Variants in F13A1 observed in about 807,000 individuals in gnomAD.
F13A1 encodes the protein coagulation factor XIII A chain.
A neutral mutation model predicts 80.1 loss-of-function variants in F13A1; 47 were observed. The ratio of observed to expected loss-of-function variants is 0.59; its 90% CI spans 0.46 to 0.75. F13A1 has a LOEUF of 0.75. F13A1 is among the 30% of genes least tolerant of loss of function. The pLI, the probability that F13A1 is intolerant of heterozygous loss-of-function variation, is 0.00. For synonymous variants in F13A1, 349 were observed against 344.9 expected (o/e 1.01, Z -0.13); for missense variants, 817 against 930.4 (o/e 0.88, Z 1.59).
At chr6:6,253,161 AAAGAG>A (rs1202348959) in intron 4 of F13A1, among the ~76,000 whole-genome samples, 87 of 106,858 alleles carry the variant, frequency 8.1e-4, no homozygotes, top group African/African-American at 3.4e-3. Context: ...AAAAAAAAAA[AAAGAG>A]AGAGAGAGAG....
intron 11 of F13A1, among the ~76,000 whole-genome samples, chr6:6,180,015 C>G (rs989624089): frequency 3.6e-4 from 55 of 152,184 alleles, no homozygotes; most frequent in Non-Finnish European, 6.3e-4. Flanking sequence ...CTAATGGCAG[C>G]TGTGCTCGGC....
chr6:6,163,078 T>C (rs1355109601), intron 13 of F13A1, among the ~76,000 whole-genome samples: 1 of 152,218 alleles, frequency 6.6e-6, no homozygotes, highest in Non-Finnish European at 1.5e-5. Flanking sequence ...CCAACCCTTA[T>C]CTTGACTGAG....
At chr6:6,211,483 T>A (rs1761607905) in intron 8 of F13A1, among the ~76,000 whole-genome samples, 1 of 152,264 alleles carries the variant, frequency 6.6e-6, no homozygotes, top group African/African-American at 2.4e-5. Flanking sequence ...CCCTTAAGCA[T>A]CTTTAAGCAA....
chr6:6,290,757 C>G (rs1274707556), intron 3 of F13A1, among the ~76,000 whole-genome samples: 2 of 152,098 alleles, frequency 1.3e-5, no homozygotes, highest in Non-Finnish European at 2.9e-5. Flanking sequence ...CGTTGATCAT[C>G]AATGCAGAAA....
chr6:6,297,188 A>T (rs1026963354), intron 3 of F13A1, among the ~76,000 whole-genome samples: 1 of 151,228 alleles, frequency 6.6e-6, no homozygotes, highest in African/African-American at 2.5e-5. Context: ...TGTTCATCAA[A>T]GATATTGGTC....
chr6:6,157,996 C>T (rs893109691), intron 13 of F13A1, among the ~76,000 whole-genome samples: 5 of 152,098 alleles, frequency 3.3e-5, no homozygotes, highest in South Asian at 4.2e-4. Context: ...ACATAGTTTA[C>T]GATCATCTAT....
At chr6:6,165,597 G>C (rs779875051) in intron 13 of F13A1, among the ~76,000 whole-genome samples, 1 of 152,100 alleles carries the variant, frequency 6.6e-6, no homozygotes, top group Non-Finnish European at 1.5e-5. Context: ...TGAAACCTGC[G>C]CAATAGCCCA....
At chr6:6,289,237 T>TG (rs1758186461) in intron 3 of F13A1, among the ~76,000 whole-genome samples, 1 of 152,132 alleles carries the variant, frequency 6.6e-6, no homozygotes, top group African/African-American at 2.4e-5. Context: ...GCTCGGGTTC[T>TG]GACTGGGCAC....
At chr6:6,198,503 A>G (rs17310165) in intron 8 of F13A1, among the ~76,000 whole-genome samples, 18,166 of 152,242 alleles carry the variant, frequency 0.12, 1,286 homozygotes, top group Middle Eastern at 0.2. Context: ...GACGCCCTTC[A>G]ATGTCAGCTG....
intron 11 of F13A1, among the ~76,000 whole-genome samples, chr6:6,178,571 C>G (rs752013974): frequency 1.3e-5 from 2 of 151,802 alleles, no homozygotes; most frequent in African/African-American, 4.8e-5. Flanking sequence ...AGGTAAAGTC[C>G]CGGTGGAGAC....
chr6:6,146,147 T>C (rs1205528890), intron 14 of F13A1, among the ~76,000 whole-genome samples: 2 of 152,166 alleles, frequency 1.3e-5, no homozygotes, highest in Non-Finnish European at 2.9e-5. Context: ...CAGCTCAGTT[T>C]TTGCCACTAG....
intron 12 of F13A1, among the ~76,000 whole-genome samples, chr6:6,171,472 G>A (rs950704522): frequency 6.6e-6 from 1 of 152,146 alleles, no homozygotes; most frequent in Non-Finnish European, 1.5e-5. Context: ...CAGTCTCTCA[G>A]CCAATCAGGC....
intron 8 of F13A1, among the ~76,000 whole-genome samples, chr6:6,198,562 T>C (rs892430960): frequency 5.3e-5 from 8 of 152,116 alleles, no homozygotes; most frequent in African/African-American, 1.7e-4. Flanking sequence ...TTTTGATTGG[T>C]TCAAGAGATA....
intron 4 of F13A1, among the ~76,000 whole-genome samples, chr6:6,254,236 G>T (rs760458120): frequency 8.6e-5 from 13 of 151,658 alleles, no homozygotes; most frequent in South Asian, 4.1e-4. Context: ...CCTTTTAGAA[G>T]GGTAATTAGG....
At chr6:6,181,941 T>G (rs746070258) in intron 11 of F13A1, 47 bp downstream of exon 11, 2 of 1,605,790 alleles carry the variant, frequency 1.2e-6, no homozygotes, top group Non-Finnish European at 1.7e-6. Flanking sequence ...GAATAAGTAC[T>G]CAATGGACTT....
At chr6:6,278,016 C>CTG (rs1758011698) in intron 3 of F13A1, among the ~76,000 whole-genome samples, 1 of 152,212 alleles carries the variant, frequency 6.6e-6, no homozygotes, top group Non-Finnish European at 1.5e-5. Flanking sequence ...ACTCTGCAGG[C>CTG]TGTAACCTTT....
At chr6:6,194,300 C>T (rs922680134) in intron 10 of F13A1, among the ~76,000 whole-genome samples, 1 of 152,212 alleles carries the variant, frequency 6.6e-6, no homozygotes, top group African/African-American at 2.4e-5. Flanking sequence ...CTTCAGCCTC[C>T]ACCTTCCAAC....
Position 6,254,357 on chromosome 6 carries a change from T to A in F13A1, c.572-3428A>T, listed in dbSNP as rs187190334. 9.9e-3 allele frequency among the ~76,000 whole-genome samples: 1,507 copies of A among 152,220 alleles called. 31 individuals carry two copies. The highest frequency in any genetic ancestry group is 0.034 in the African/African-American group (1,428 of 41,484). ...TGTATGTGCAACCTTCAAAATGGCATAACGTGCTATAGTAAAAATGGGAAA... is the reference window on the plus strand; with the variant it reads ...TGTATGTGCAACCTTCAAAATGGCAAAACGTGCTATAGTAAAAATGGGAAA... On this transcript the variant is annotated intron_variant, in intron 4 of 14. Transcript: ENST00000264870.
At chr6:6,189,697 G>T (rs1449111085) in intron 10 of F13A1, among the ~76,000 whole-genome samples, 1 of 145,364 alleles carries the variant, frequency 6.9e-6, no homozygotes, top group Non-Finnish European at 1.5e-5. Flanking sequence ...TGACAATTAT[G>T]TGTCTTGGAG....
Sources: gnomAD v4.1 joint callset for allele counts (sites outside exome capture counted in the v4.1 genomes callset) on GRCh38, gnomAD v4.1.1 for gene constraint, MANE v1.5 for transcripts, NCBI Gene and HGNC (gene_info 2026-07-23, HGNC 2026-07-21) for gene names.